The following VDAC3 variants were observed in gnomAD, a reference collection of about 807,000 sequenced individuals.
VDAC3 encodes the protein non-selective voltage-gated ion channel VDAC3.
Under a neutral mutation model 33.9 loss-of-function variants are expected in VDAC3, and 7 were observed. The ratio of observed to expected loss-of-function variants is 0.21; its 90% CI spans 0.12 to 0.39. The LOEUF (loss-of-function observed/expected upper bound fraction) is 0.39. Ranked by LOEUF, VDAC3 falls within the 10% of genes least tolerant of loss-of-function variation. The probability of loss-of-function intolerance (pLI) is 1.00; values close to 1 mark genes in which losing one functional copy is unlikely to be tolerated. For synonymous variants in VDAC3, 100 were observed against 122.4 expected (o/e 0.82, Z 1.21); for missense variants, 261 against 334.5 (o/e 0.78, Z 1.71).
At chr8:42,392,153 C>T (rs1328574926) in intron 1 of VDAC3, among the ~76,000 whole-genome samples, 10 of 152,290 alleles carry the variant, frequency 6.6e-5, no homozygotes, top group Non-Finnish European at 1.5e-4. Context: ...GCGCGGGCAG[C>T]GACCTATCCC....
chr8:42,394,384 C>T (rs1585947147), intron 3 of VDAC3, 106 bp downstream of exon 3: 1 of 977,406 alleles, frequency 1.0e-6, no homozygotes, highest in Non-Finnish European at 1.6e-6. Context: ...AGCATTATTC[C>T]ACTTCACAAG....
Position 42,401,856 on chromosome 8 carries a change from T to A in VDAC3, c.392T>A (p.Ile131Lys). Residue 131 changes from isoleucine (I) to lysine (K), a missense_variant, in exon 7 of 10, where the codon ATA becomes AAA. Coordinates refer to ENST00000022615, the MANE Select transcript of VDAC3 (RefSeq NM_005662.7). ...DCFSVGSNVD[I>K]DFSGPTIYGW... ...TTTAGTGTTGGCAGTAATGTTGATA[T>A]AGATTTTTCTGGACCAACCATCTAT... is the stretch of plus-strand genomic sequence containing the variant. 1 of 1,614,256 alleles carries A rather than the reference T, an allele frequency of 6.2e-7. No homozygotes were observed. Among genetic ancestry groups the A allele is most frequent in the Non-Finnish European group, 8.5e-7 (1 of 1,180,048 alleles).
At position 42,400,423 on chromosome 8, in the gene VDAC3, A is replaced by G. The variant is rs141290606; in HGVS notation, c.323+720A>G. ...TTCTTAAGAAGGTGATCTGGCTCTC[A>G]GATGCTATAATGATTAGTTCTGCTG... On this transcript the variant is annotated intron_variant, in intron 6 of 9. Coordinates refer to ENST00000022615, the MANE Select transcript of VDAC3 (RefSeq NM_005662.7). Among the ~76,000 whole-genome samples, 960 of 151,552 alleles carry G rather than the reference A, an allele frequency of 6.3e-3. 7 individuals are homozygous for G. Among genetic ancestry groups the G allele is most frequent in the African/African-American group, 0.022 (898 of 41,286 alleles).
chr8:42,398,949 A>T, intron 5 of VDAC3, 85 bp downstream of exon 5: 1 of 1,497,024 alleles, frequency 6.7e-7, no homozygotes, highest in Non-Finnish European at 9.1e-7. Context: ...TAATCAAAAG[A>T]GATCTTACAA....
At chr8:42,395,308 T>C (rs1802289705) in intron 4 of VDAC3, 175 bp downstream of exon 4, 1 of 486,812 alleles carries the variant, frequency 2.1e-6, no homozygotes, top group Non-Finnish European at 2.7e-6. Flanking sequence ...AAGTTGAATT[T>C]TTGAAGAGAC....
chr8:42,400,673 C>CTTTTTTTTTTTTTTTTTT (rs1188886241), intron 6 of VDAC3, among the ~76,000 whole-genome samples: 3 of 72,310 alleles, frequency 4.1e-5, no homozygotes, highest in African/African-American at 6.1e-5. Flanking sequence ...ATATTCTTTT[C>CTTTTTTTTTTTTTTTTTT]TTTTTTTTTT....
intron 1 of VDAC3, among the ~76,000 whole-genome samples, chr8:42,393,088 T>C (rs1824899302): frequency 6.6e-6 from 1 of 152,198 alleles, no homozygotes; most frequent in Non-Finnish European, 1.5e-5. Context: ...CTTTTTAGTT[T>C]TTTATACTAG....
At chr8:42,400,901 T>C (rs1319536123) in intron 6 of VDAC3, among the ~76,000 whole-genome samples, 1 of 151,914 alleles carries the variant, frequency 6.6e-6, no homozygotes, top group Non-Finnish European at 1.5e-5. Context: ...TGACCTCGTG[T>C]TCCGCCTGGC....
At position 42,405,419 on chromosome 8, in the gene VDAC3, C is replaced by T. The variant is rs777756934; in HGVS notation, c.809C>T (p.Ala270Val). The change falls in exon 10 of 10, where the codon GCA (alanine) becomes GTA (valine). Residue 270 changes from alanine to valine, a missense_variant. Transcript: ENST00000022615. The part of the protein sequence containing the change: ...SALIDGKNFS[A>V]GGHKVGLGFE... ...TTAATCGATGGGAAGAACTTCAGTG[C>T]AGGAGGTCACAAGGTTGGCTTGGGA... 2.5e-5 allele frequency: 40 copies of T among 1,612,424 alleles called. No homozygotes were observed. Among genetic ancestry groups the T allele is most frequent in the Non-Finnish European group, 3.2e-5 (38 of 1,179,996 alleles).
chr8:42,394,304 G>A (rs2130885382), intron 3 of VDAC3, 26 bp downstream of exon 3: 1 of 1,604,098 alleles, frequency 6.2e-7, no homozygotes, highest in Non-Finnish European at 8.5e-7. Context: ...TAACTTTCCA[G>A]TTTGGGGTAA....
intron 4 of VDAC3, chr8:42,397,056 T>G (rs1317301745): frequency 5.4e-6 from 1 of 184,502 alleles, no homozygotes; most frequent in Non-Finnish European, 1.1e-5. Flanking sequence ...TAAGAATTGA[T>G]GCTGACAAGG....
intron 3 of VDAC3, 76 bp from the exon 4 acceptor site, chr8:42,395,008 A>T: frequency 1.3e-6 from 2 of 1,577,624 alleles, no homozygotes; most frequent in East Asian, 4.5e-5. Context: ...AGGCTATTTC[A>T]TAATTTCTGA....
chr8:42,402,150 A>G, intron 7 of VDAC3, 135 bp downstream of exon 7: 3 of 986,032 alleles, frequency 3.0e-6, no homozygotes, highest in Non-Finnish European at 4.5e-6. Context: ...CTATCCTCAT[A>G]GCAAAACCTT....
chr8:42,393,755 G>A (rs762354157), intron 1 of VDAC3, 90 bp from the exon 2 acceptor site: 7 of 401,336 alleles, frequency 1.7e-5, no homozygotes, highest in Non-Finnish European at 3.1e-5. Context: ...TTTAAGAACT[G>A]AATTTCAGAG....
At chr8:42,401,735 G>A in intron 6 of VDAC3, 53 bp from the exon 7 acceptor site, 1 of 1,561,706 alleles carries the variant, frequency 6.4e-7, no homozygotes, top group Non-Finnish European at 8.8e-7. Flanking sequence ...CTAGACAGTA[G>A]TAAGAACTCA....
At chr8:42,400,364 C>T (rs1035917938) in intron 6 of VDAC3, among the ~76,000 whole-genome samples, 4 of 150,956 alleles carry the variant, frequency 2.6e-5, no homozygotes, top group Non-Finnish European at 5.9e-5. Context: ...TTTTTTTTCC[C>T]CCTCACCCTC....
chr8:42,405,700 G>C lies in VDAC3; in HGVS notation c.*238G>C, dbSNP rs1002924691. On this transcript the variant is annotated 3_prime_UTR_variant, in exon 10 of 10. Coordinates refer to ENST00000022615, the MANE Select transcript of VDAC3 (RefSeq NM_005662.7). ...CCACGTTTCAGTTCAGTTCTGAAGT[G>C]TTATTAAATGTGTTCCTCAGCGACA... is the stretch of plus-strand genomic sequence containing the variant. 6.8e-6 allele frequency: 3 copies of C among 440,654 alleles called. No homozygotes were observed. The highest frequency in any genetic ancestry group is 2.0e-5 in the African/African-American group (1 of 50,124). 27.3% of individuals were successfully genotyped at this position (440,654 alleles called of 1,614,324 possible). A position where few individuals can be genotyped will look rare whatever the true frequency, so the allele number is the denominator to read the frequency against.
chr8:42,403,836 C>A (rs1240219333), intron 8 of VDAC3, among the ~76,000 whole-genome samples: 3 of 151,054 alleles, frequency 2.0e-5, no homozygotes, highest in Non-Finnish European at 4.4e-5. Flanking sequence ...CAAGATCACA[C>A]CATTGCACTC....
rs1433048705 is a variant in VDAC3 at position 42,391,883 on chromosome 8, C to T, written c.-88C>T. The T allele has an allele frequency of 6.6e-6, 1 of 152,560 alleles. No homozygotes were observed. Among genetic ancestry groups the T allele is most frequent in the South Asian group, 2.1e-4 (1 of 4,840 alleles). 9.5% of individuals were successfully genotyped at this position (152,560 alleles called of 1,614,324 possible). ...GCGCGGACGGCGTTGGTTTGAAGAC[C>T]TTCAGCGTTGCCCTGGCGGAGCAGA... On this transcript the variant is annotated 5_prime_UTR_variant, in exon 1 of 10. Transcript: ENST00000022615.
Sources: allele counts gnomAD v4.1 joint callset (sites outside exome capture counted in the v4.1 genomes callset), GRCh38; gene constraint gnomAD v4.1.1; transcripts MANE v1.5; gene names NCBI Gene and HGNC (gene_info 2026-07-23, HGNC 2026-07-21).